Variants in GALNTL6 observed in about 807,000 individuals in gnomAD.
GALNTL6 encodes polypeptide N-acetylgalactosaminyltransferase-like 6.
Under a neutral mutation model 73.7 loss-of-function variants are expected in GALNTL6, and 46 were observed. The ratio of observed to expected loss-of-function variants is 0.62; its 90% CI spans 0.49 to 0.80. The LOEUF (loss-of-function observed/expected upper bound fraction) is 0.80, where lower values mean the gene tolerates loss of function less well. Among genes scored for constraint, GALNTL6 ranks in the 30% least tolerant of loss-of-function variants. The pLI, the probability that GALNTL6 is intolerant of heterozygous loss-of-function variation, is 0.00. For synonymous variants in GALNTL6, 259 were observed against 263.7 expected, an observed-to-expected ratio of 0.98 and a Z score of 0.17; for missense variants, 604 against 755.0, an observed-to-expected ratio of 0.80 and a Z score of 2.34.
intron 7 of GALNTL6, among the ~76,000 whole-genome samples, chr4:172,827,827 A>G (rs1243818991): frequency 1.3e-5 from 2 of 152,192 alleles, no homozygotes; most frequent in African/African-American, 2.4e-5. Context: ...AAATTTTATC[A>G]ATAATACTTT....
intron 2 of GALNTL6, among the ~76,000 whole-genome samples, chr4:171,907,272 A>G (rs1329845303): frequency 6.6e-6 from 1 of 152,218 alleles, no homozygotes; most frequent in Non-Finnish European, 1.5e-5. Flanking sequence ...AAATCTCCTT[A>G]AGCTGATAAG....
intron 9 of GALNTL6, among the ~76,000 whole-genome samples, chr4:172,939,406 G>T (rs1348166212): frequency 6.6e-6 from 1 of 152,102 alleles, no homozygotes; most frequent in East Asian, 1.9e-4. Flanking sequence ...CTCTATGATT[G>T]ATATCCTCTC....
chr4:172,574,435 ATAAT>A (rs1736886800), intron 5 of GALNTL6, among the ~76,000 whole-genome samples: 1 of 150,756 alleles, frequency 6.6e-6, no homozygotes, highest in African/African-American at 2.4e-5. Context: ...AATATTTAAA[ATAAT>A]TATTTTATTT....
At chr4:172,921,955 G>A (rs1443360295) in intron 8 of GALNTL6, among the ~76,000 whole-genome samples, 3 of 152,168 alleles carry the variant, frequency 2.0e-5, no homozygotes, top group African/African-American at 7.2e-5. Flanking sequence ...TGGTTTGACT[G>A]TGTCCCCACC....
At chr4:172,709,941 A>T (rs1032498569) in intron 5 of GALNTL6, among the ~76,000 whole-genome samples, 2 of 152,120 alleles carry the variant, frequency 1.3e-5, no homozygotes, top group Non-Finnish European at 2.9e-5. Context: ...TAACATTTTT[A>T]TTATTAAAGG....
intron 3 of GALNTL6, among the ~76,000 whole-genome samples, chr4:172,292,517 A>G (rs1006607891): frequency 2.6e-5 from 4 of 152,168 alleles, no homozygotes; most frequent in Non-Finnish European, 5.9e-5. Context: ...GACAAGGAGA[A>G]TTCCATGAGT....
At chr4:172,533,539 G>A (rs1294464887) in intron 5 of GALNTL6, among the ~76,000 whole-genome samples, 1 of 151,814 alleles carries the variant, frequency 6.6e-6, no homozygotes, top group Non-Finnish European at 1.5e-5. Flanking sequence ...TGGTCAGGCT[G>A]GTCTTGAACT....
At chr4:171,874,965 G>A (rs535584250) in intron 2 of GALNTL6, among the ~76,000 whole-genome samples, 4 of 152,168 alleles carry the variant, frequency 2.6e-5, no homozygotes, top group South Asian at 4.1e-4. Context: ...AAATGTATTC[G>A]TTTAGCTGTA....
rs1443664066 is a variant in GALNTL6 at position 171,861,831 on chromosome 4, C to T, written c.138+47113C>T. ...AAACATATCTGATGGTATTTTTTGA[C>T]AGTATGTTTTACAAAATCGCTTATA... On this transcript the variant is annotated intron_variant, in intron 2 of 12. Transcript: ENST00000506823. Among the ~76,000 whole-genome samples, 6 of 152,068 alleles carry T rather than the reference C, an allele frequency of 3.9e-5. No homozygotes were observed. The South Asian group carries it at 8.3e-4, about 21-fold the overall frequency.
At chr4:172,647,291 A>G (rs1178480183) in intron 5 of GALNTL6, among the ~76,000 whole-genome samples, 1 of 152,092 alleles carries the variant, frequency 6.6e-6, no homozygotes, top group Non-Finnish European at 1.5e-5. Flanking sequence ...GCTTTTCAAT[A>G]TGTTCCCCAA....
chr4:172,513,698 C>G (rs1033032883), intron 5 of GALNTL6, among the ~76,000 whole-genome samples: 1 of 152,152 alleles, frequency 6.6e-6, no homozygotes, highest in African/African-American at 2.4e-5. Flanking sequence ...TCTAGCCAAC[C>G]AGCGGAGCTG....
At chr4:172,080,631 A>G (rs1385946984) in intron 2 of GALNTL6, among the ~76,000 whole-genome samples, 2 of 151,896 alleles carry the variant, frequency 1.3e-5, no homozygotes, top group Middle Eastern at 3.4e-3. Flanking sequence ...AAATATTAAT[A>G]CACAATTATA....
At position 172,469,977 on chromosome 4, in the gene GALNTL6, G is replaced by A. The variant is rs545766486; in HGVS notation, c.553+121288G>A. Among the ~76,000 whole-genome samples, 3 of 152,204 alleles carry A rather than the reference G, an allele frequency of 2.0e-5. No homozygotes were observed. In the East Asian group the frequency reaches 5.8e-4, roughly 29 times the overall value. On this transcript the variant is annotated intron_variant, in intron 5 of 12. Transcript: ENST00000506823. ...CACCTTGAAGAAATGTAGCACAGCT[G>A]CAAAAAGCTGGAAAATGATGTATAT...
chr4:172,785,567 A>G (rs1739606920), intron 5 of GALNTL6, among the ~76,000 whole-genome samples: 1 of 152,166 alleles, frequency 6.6e-6, no homozygotes, highest in Non-Finnish European at 1.5e-5. Flanking sequence ...TGCTCTCATG[A>G]AGCCTAGACC....
At chr4:172,989,086 C>T (rs575011869) in intron 10 of GALNTL6, among the ~76,000 whole-genome samples, 3 of 152,332 alleles carry the variant, frequency 2.0e-5, no homozygotes, top group African/African-American at 7.2e-5. Flanking sequence ...CCACTGTCCT[C>T]TAGACATCAA....
At chr4:172,886,997 T>C (rs1745757384) in intron 8 of GALNTL6, among the ~76,000 whole-genome samples, 1 of 152,056 alleles carries the variant, frequency 6.6e-6, no homozygotes, top group Non-Finnish European at 1.5e-5. Flanking sequence ...CTACCCCCTC[T>C]TGTAGTGATC....
At chr4:171,987,179 T>G in intron 2 of GALNTL6, among the ~76,000 whole-genome samples, 1 of 152,196 alleles carries the variant, frequency 6.6e-6, no homozygotes, top group East Asian at 1.9e-4. Flanking sequence ...GGGAAAGTGG[T>G]AAAAGTATTG....
At chr4:171,863,510 A>G (rs1257185120) in intron 2 of GALNTL6, among the ~76,000 whole-genome samples, 1 of 152,068 alleles carries the variant, frequency 6.6e-6, no homozygotes, top group Non-Finnish European at 1.5e-5. Flanking sequence ...TTTTGCCTTC[A>G]GACTTTTTGA....
At chr4:171,814,367 G>T (rs562354678) in intron 1 of GALNTL6, 45 bp from the exon 2 acceptor site, 2 of 595,760 alleles carry the variant, frequency 3.4e-6, no homozygotes, top group Non-Finnish European at 5.9e-6. Flanking sequence ...TAATGCCTTC[G>T]TCATAGTTTT....
Sources: allele counts gnomAD v4.1 joint callset (sites outside exome capture counted in the v4.1 genomes callset), GRCh38; gene constraint gnomAD v4.1.1; transcripts MANE v1.5; gene names NCBI Gene and HGNC (gene_info 2026-07-23, HGNC 2026-07-21).